TDRD12: variants seen among roughly 807,000 people sequenced by gnomAD.
TDRD12 encodes tudor domain containing 12.
Under a neutral mutation model 133.5 loss-of-function variants are expected in TDRD12, and 158 were observed. The observed-to-expected ratio is 1.18, with a 90% confidence interval of 1.04 to 1.35. The LOEUF is 1.35. Ranked by LOEUF, TDRD12 falls within the 40% of genes most tolerant of loss-of-function variation. The pLI, the probability that TDRD12 is intolerant of heterozygous loss-of-function variation, is 0.00. For synonymous variants in TDRD12, 460 were observed against 477.9 expected, an observed-to-expected ratio of 0.96 and a Z score of 0.49; for missense variants, 1,443 against 1,321.3, an observed-to-expected ratio of 1.09 and a Z score of -1.43.
intron 1 of TDRD12, among the ~76,000 whole-genome samples, chr19:32,726,723 C>G (rs1968874924): frequency 6.6e-6 from 1 of 151,914 alleles, no homozygotes; most frequent in Admixed American, 6.6e-5. Context: ...GGCAATATAG[C>G]AAGACCCTGT....
At chr19:32,780,064 G>A (rs940326475) in intron 11 of TDRD12, among the ~76,000 whole-genome samples, 2 of 149,574 alleles carry the variant, frequency 1.3e-5, no homozygotes, top group Non-Finnish European at 3.0e-5. Flanking sequence ...CTCCGAATAT[G>A]CCCATTCTTT....
intron 8 of TDRD12, among the ~76,000 whole-genome samples, chr19:32,764,518 T>C (rs1970240744): frequency 6.6e-6 from 1 of 152,224 alleles, no homozygotes; most frequent in Admixed American, 6.5e-5. Context: ...CCTATTATGA[T>C]TCAGGTATGA....
At chr19:32,758,038 C>T (rs1568462297) in intron 8 of TDRD12, among the ~76,000 whole-genome samples, 1 of 152,214 alleles carries the variant, frequency 6.6e-6, no homozygotes, top group South Asian at 2.1e-4. Context: ...CTGGGCCTCA[C>T]TCAGCCCTGG....
At chr19:32,771,253 C>A (rs1042836261) in intron 8 of TDRD12, among the ~76,000 whole-genome samples, 20 of 152,206 alleles carry the variant, frequency 1.3e-4, no homozygotes, top group Admixed American at 6.5e-5. Flanking sequence ...TCACTGCAAC[C>A]TCCACTTCCC....
At chr19:32,817,607 C>G (rs1167722855) in intron 26 of TDRD12, among the ~76,000 whole-genome samples, 1 of 151,960 alleles carries the variant, frequency 6.6e-6, no homozygotes, top group African/African-American at 2.4e-5. Flanking sequence ...CTTCACTTCT[C>G]TGGGGTTGCT....
intron 8 of TDRD12, among the ~76,000 whole-genome samples, chr19:32,762,886 A>G (rs1970191199): frequency 6.6e-6 from 1 of 152,242 alleles, no homozygotes; most frequent in Non-Finnish European, 1.5e-5. Context: ...GCAGCCTACT[A>G]CACATATAGG....
At position 32,748,456 on chromosome 19, in the gene TDRD12, G is replaced by A; in HGVS notation, c.441-20G>A. 6.5e-7 allele frequency: 1 copy of A among 1,549,144 alleles called. No individual in the cohort carries two copies. Reference sequence around the variant, plus strand: ...CCTCAGATTTTTATGTAATGGAGTTGCATCTGTTCACTGTTCCAGACCTGC... The same window carrying A: ...CCTCAGATTTTTATGTAATGGAGTTACATCTGTTCACTGTTCCAGACCTGC... On this transcript the variant is annotated intron_variant, in intron 4 of 27. Coordinates refer to ENST00000444215, the Ensembl canonical transcript of TDRD12.
At chr19:32,766,813 C>T (rs1006089010) in intron 8 of TDRD12, among the ~76,000 whole-genome samples, 2 of 151,830 alleles carry the variant, frequency 1.3e-5, no homozygotes, top group Admixed American at 6.6e-5. Flanking sequence ...CGGGGTTTCA[C>T]TATGTTGGCC....
chr19:32,751,117 C>T lies in TDRD12; in HGVS notation c.582+1248C>T, dbSNP rs373509215. Among the ~76,000 whole-genome samples, 74 of 149,128 alleles carry T rather than the reference C, an allele frequency of 5.0e-4. 1 individual carries two copies. The South Asian group carries it at 0.015, about 31-fold the overall frequency. On this transcript the variant is annotated intron_variant, in intron 6 of 27. Coordinates refer to ENST00000444215, the Ensembl canonical transcript of TDRD12. ...TGCTCTCCCTCCCCCCTCCCCACCCCCCGACAGGCCCCAGTGTGTGTTGTT... is the reference window on the plus strand; with the variant it reads ...TGCTCTCCCTCCCCCCTCCCCACCCTCCGACAGGCCCCAGTGTGTGTTGTT...
At chr19:32,763,743 G>T (rs1970215634) in intron 8 of TDRD12, among the ~76,000 whole-genome samples, 1 of 152,202 alleles carries the variant, frequency 6.6e-6, no homozygotes, top group Non-Finnish European at 1.5e-5. Context: ...TAACGGAGGT[G>T]TCCGTGCCGA....
At chr19:32,732,322 G>A (rs1969083406) in intron 2 of TDRD12, among the ~76,000 whole-genome samples, 1 of 152,102 alleles carries the variant, frequency 6.6e-6, no homozygotes, top group Non-Finnish European at 1.5e-5. Context: ...GGTTCTTTAG[G>A]TTGCACAAGA....
chr19:32,765,697 T>C (rs925339104), intron 8 of TDRD12, among the ~76,000 whole-genome samples: 14 of 150,714 alleles, frequency 9.3e-5, no homozygotes, highest in Non-Finnish European at 2.1e-4. Context: ...ATGGGAACAC[T>C]TGGACACAGG....
chr19:32,810,122 A>C (rs909607463), exon 23 of TDRD12: 1 of 1,525,164 alleles, frequency 6.6e-7, no homozygotes, highest in African/African-American at 1.4e-5. Flanking sequence ...TGAATGCAAC[A>C]AATTACTTTG....
At chr19:32,791,558 G>GA (rs1460543536) in intron 13 of TDRD12, among the ~76,000 whole-genome samples, 1 of 152,066 alleles carries the variant, frequency 6.6e-6, no homozygotes, top group East Asian at 1.9e-4. Flanking sequence ...GCATGAGAGA[G>GA]AAGTGGACAG....
At chr19:32,786,870 A>G (rs1040376120) in intron 11 of TDRD12, among the ~76,000 whole-genome samples, 13 of 152,182 alleles carry the variant, frequency 8.5e-5, no homozygotes, top group Admixed American at 7.9e-4. Context: ...GGGTTAGAAC[A>G]TGCTTCTTCA....
At chr19:32,815,520 A>G (rs891143977) in exon 26 of TDRD12, 34 of 1,536,350 alleles carry the variant, frequency 2.2e-5, no homozygotes, top group African/African-American at 8.2e-5. Flanking sequence ...AATTTTGTCC[A>G]TGGGCATGGG....
exon 10 of TDRD12, chr19:32,828,487 G>T (rs768771702): frequency 6.6e-6 from 1 of 152,216 alleles, no homozygotes; most frequent in Non-Finnish European, 1.5e-5. Flanking sequence ...CTGAAAAAGC[G>T]AGAAAGGTGA....
intron 11 of TDRD12, among the ~76,000 whole-genome samples, chr19:32,786,848 C>T (rs1212381697): frequency 1.3e-5 from 2 of 152,158 alleles, no homozygotes; most frequent in African/African-American, 2.4e-5. Flanking sequence ...AGGTTTTTAG[C>T]TTCCTTACGA....
intron 11 of TDRD12, among the ~76,000 whole-genome samples, chr19:32,782,742 T>A (rs1279954699): frequency 6.6e-6 from 1 of 152,228 alleles, no homozygotes; most frequent in Non-Finnish European, 1.5e-5. Context: ...TTTTCATATG[T>A]CTATTGGCTA....
Sources: gnomAD v4.1 joint callset for allele counts (sites outside exome capture counted in the v4.1 genomes callset) on GRCh38, gnomAD v4.1.1 for gene constraint, MANE v1.5 for transcripts, NCBI Gene and HGNC (gene_info 2026-07-23, HGNC 2026-07-21) for gene names.